Variants in NDUFS7 observed in about 807,000 individuals in gnomAD.
The protein encoded by NDUFS7 is NADH:ubiquinone oxidoreductase core subunit S7, also known as NADH dehydrogenase [ubiquinone] iron-sulfur protein 7, mitochondrial.
NDUFS7 carries 11 observed loss-of-function variants against 31.1 expected under a neutral mutation model. The ratio of observed to expected loss-of-function variants is 0.35; its 90% CI spans 0.22 to 0.59. The LOEUF (loss-of-function observed/expected upper bound fraction) is 0.59. NDUFS7 is among the 20% of genes least tolerant of loss of function. NDUFS7 has a pLI of 0.79. For synonymous variants in NDUFS7, 136 were observed against 127.9 expected (o/e 1.06, Z -0.43); for missense variants, 263 against 324.2 (o/e 0.81, Z 1.45).
Position 1,393,911 on chromosome 19 carries a change from A to C in NDUFS7, c.544+581A>C. 1 of 236,386 alleles carries C rather than the reference A, an allele frequency of 4.2e-6. No individual in the cohort carries two copies. The allele number at this position is 236,386 out of a possible 1,614,324, so 14.6% of individuals were successfully genotyped here. A position where few individuals can be genotyped will look rare whatever the true frequency, so the allele number is the denominator to read the frequency against. ...ACCTGAAATTCACATCGCACCGGGAACATTCTTTATATCTGGTGATCCCGT... is the reference window on the plus strand; with the variant it reads ...ACCTGAAATTCACATCGCACCGGGACCATTCTTTATATCTGGTGATCCCGT... On this transcript the variant is annotated intron_variant, in intron 7 of 7. Coordinates refer to ENST00000233627, the MANE Select transcript of NDUFS7 (RefSeq NM_024407.5). The surrounding 1 kb of genome is among the most constrained non-coding windows in gnomAD (Gnocchi z 7.3).
chr19:1,389,225 G>T (rs763146655), intron 4 of NDUFS7: 26 of 670,918 alleles, frequency 3.9e-5, no homozygotes, highest in Non-Finnish European at 1.4e-5. Context: ...ATACACACAT[G>T]CACACTTGCA....
intron 7 of NDUFS7, chr19:1,394,902 C>T: frequency 9.0e-7 from 1 of 1,116,572 alleles, no homozygotes; most frequent in Non-Finnish European, 1.1e-6. Context: ...TGGGGGATCC[C>T]CAGCAAAGAG....
intron 3 of NDUFS7, 58 bp from the exon 4 acceptor site, chr19:1,388,775 G>A (rs1056050076): frequency 1.1e-5 from 17 of 1,528,468 alleles, no homozygotes; most frequent in East Asian, 4.8e-5. Context: ...GCTCGCATCC[G>A]CCTCTGGGAA....
rs746813022 is a variant in NDUFS7, at chr19:1,391,061, T to TCCCAGCCG, written c.408+23_408+30dup. The TCCCAGCCG allele has an allele frequency of 7.0e-5, 113 of 1,612,558 alleles. No homozygotes were observed. Among genetic ancestry groups the TCCCAGCCG allele is most frequent in the African/African-American group, 2.7e-4 (20 of 74,824 alleles). On this transcript the variant is annotated intron_variant, in intron 5 of 7. Coordinates refer to ENST00000233627, the MANE Select transcript of NDUFS7 (RefSeq NM_024407.5). The stretch of plus-strand genomic sequence containing the variant: ...CCAGCGCTTCGCAAGGTAGGCCTCG[T>TCCCAGCCG]CCCAGCCGCCCAGCCGCCCCCAGAG...
rs773522313 is a variant in NDUFS7 at position 1,391,290 on chromosome 19, C to T, written c.455+125C>T. ...GAAATCCCACGTGGTCCCGGCGCTGCCCTTCAGCCGTCTCGGTGCCTCCAC... is the reference window on the plus strand; with the variant it reads ...GAAATCCCACGTGGTCCCGGCGCTGTCCTTCAGCCGTCTCGGTGCCTCCAC... On this transcript the variant is annotated intron_variant, in intron 6 of 7. Transcript: ENST00000233627. 4.1e-5 allele frequency: 52 copies of T among 1,255,606 alleles called. 1 individual carries two copies. The highest frequency in any genetic ancestry group is 5.9e-5 in the Non-Finnish European group (52 of 885,670). The allele number at this position is 1,255,606 out of a possible 1,614,324, so 77.8% of individuals were successfully genotyped here.
At chr19:1,390,682 G>A in intron 4 of NDUFS7, 189 bp from the exon 5 acceptor site, 2 of 620,184 alleles carry the variant, frequency 3.2e-6, no homozygotes, top group Non-Finnish European at 5.7e-6. Flanking sequence ...GTATTTGAAT[G>A]TGGCTGGTGG....
In NDUFS7 at chr19:1,388,375, C is replaced by T. The variant is rs2082523780; in HGVS notation, c.54-150C>T. On this transcript the variant is annotated intron_variant, in intron 2 of 7. Coordinates refer to ENST00000233627, the MANE Select transcript of NDUFS7 (RefSeq NM_024407.5). ...GGTCGGGGCGATGGCCGCATGGCTCCAGCGGCTCTGGCCAGTGGCCCAAGT... is the reference window on the plus strand; with the variant it reads ...GGTCGGGGCGATGGCCGCATGGCTCTAGCGGCTCTGGCCAGTGGCCCAAGT... The T allele has an allele frequency of 1.5e-5, 11 of 737,172 alleles. No homozygotes were observed. In the East Asian group the frequency reaches 3.0e-4, roughly 20 times the overall value. The allele number at this position is 737,172 out of a possible 1,614,324, so 45.7% of individuals were successfully genotyped here. A position where few individuals can be genotyped will look rare whatever the true frequency, so the allele number is the denominator to read the frequency against.
Position 1,394,968 on chromosome 19 carries a change from C to G in NDUFS7, c.545-423C>G, listed in dbSNP as rs1031232119. On this transcript the variant is annotated intron_variant, in intron 7 of 7. Transcript: ENST00000233627. ...CGGGTCCTCGTGGGATGCCCGGGCT[C>G]TGGGCCACCTCCCCTCCCTCCGCCC... The G allele has an allele frequency of 2.7e-6, 3 of 1,119,160 alleles. No individual in the cohort carries two copies. In the Admixed American group the frequency reaches 1.4e-4, roughly 53 times the overall value. The allele number at this position is 1,119,160 out of a possible 1,614,324, so 69.3% of individuals were successfully genotyped here. A position where few individuals can be genotyped will look rare whatever the true frequency, so the allele number is the denominator to read the frequency against.
intron 2 of NDUFS7, 94 bp downstream of exon 2, chr19:1,387,941 T>C: frequency 1.4e-6 from 1 of 708,434 alleles, no homozygotes; most frequent in East Asian, 3.8e-5. Context: ...GGGAGCGCCT[T>C]GTTGAAGGTC....
Position 1,388,971 on chromosome 19 carries a change from C to G in NDUFS7, c.228+33C>G, listed in dbSNP as rs368271480. 62 of 1,541,674 alleles carry G rather than the reference C, an allele frequency of 4.0e-5. No homozygotes were observed. In the South Asian group the frequency reaches 4.4e-4, roughly 11 times the overall value. On this transcript the variant is annotated intron_variant, in intron 4 of 7. Transcript: ENST00000233627. ...CTATGAGCTGTAGGCCCTCCTCGAG[C>G]GCCAGGGCCTCTCTGCACACTCACA...
At position 1,395,502 on chromosome 19, in the gene NDUFS7, G is replaced by A. The variant is rs1355961144; in HGVS notation, c.*14G>A. 3.2e-6 allele frequency: 5 copies of A among 1,562,670 alleles called. No homozygotes were observed. Among genetic ancestry groups the A allele is most frequent in the Admixed American group, 1.9e-5 (1 of 51,694 alleles). On this transcript the variant is annotated 3_prime_UTR_variant, in exon 8 of 8. Coordinates refer to ENST00000233627, the MANE Select transcript of NDUFS7 (RefSeq NM_024407.5). ...TACCGCAGGTAGCGCCGCCGCCGCC[G>A]CCGCCGGAGCCTGTCGCCGTCCTGT...
At chr19:1,394,109 G>A (rs547384846) in intron 7 of NDUFS7, 102 of 338,710 alleles carry the variant, frequency 3.0e-4, no homozygotes, top group African/African-American at 2.1e-3. Flanking sequence ...AGAGAGCCCA[G>A]CCCTGAGTCC....
intron 4 of NDUFS7, chr19:1,389,224 T>C (rs773481033): frequency 3.0e-4 from 203 of 669,978 alleles, no homozygotes; most frequent in Middle Eastern, 2.2e-3. Context: ...CATACACACA[T>C]GCACACTTGC....
Position 1,393,216 on chromosome 19 carries a change from C to G in NDUFS7, c.456-26C>G. ...GGTGGGCAGGCGGGTCTTCGGCACA[C>G]TCCCCTCACGGTGCCTCCCCAACAG... On this transcript the variant is annotated intron_variant, in intron 6 of 7. Coordinates refer to ENST00000233627, the MANE Select transcript of NDUFS7 (RefSeq NM_024407.5). This position sits in a 1 kb window ranked among gnomAD's most constrained non-coding sequence, Gnocchi z 7.3. 3 of 1,543,472 alleles carry G rather than the reference C, an allele frequency of 1.9e-6. No individual in the cohort carries two copies. Among genetic ancestry groups the G allele is most frequent in the Non-Finnish European group, 2.6e-6 (3 of 1,143,012 alleles).
At chr19:1,388,215 T>G in intron 2 of NDUFS7, 1 of 586,538 alleles carries the variant, frequency 1.7e-6, no homozygotes, top group Non-Finnish European at 3.1e-6. Flanking sequence ...CCAGGGATCT[T>G]ACCTTGGTCA....
intron 7 of NDUFS7, chr19:1,394,373 A>G: frequency 7.8e-7 from 1 of 1,289,178 alleles, no homozygotes. Flanking sequence ...GTGCAGACCA[A>G]TGGGGCAAGT....
At chr19:1,384,154 C>T in intron 1 of NDUFS7, 1 of 570,626 alleles carries the variant, frequency 1.8e-6, no homozygotes, top group South Asian at 2.5e-5. Flanking sequence ...AAACCGAGGC[C>T]CGGTAGGTCA....
Position 1,394,631 on chromosome 19 carries a change from G to A in NDUFS7, c.545-760G>A, listed in dbSNP as rs141066100. 973 of 1,220,650 alleles carry A rather than the reference G, an allele frequency of 8.0e-4. 3 individuals carry two copies. The highest frequency in any genetic ancestry group is 9.2e-4 in the Non-Finnish European group (880 of 960,294). The allele number at this position is 1,220,650 out of a possible 1,614,324, so 75.6% of individuals were successfully genotyped here. ...GCGCCCCTCCCTCCCAGCGGACCGC[G>A]CTCCTCCCTCCCTGGGGACCTCGCT... On this transcript the variant is annotated intron_variant, in intron 7 of 7. Coordinates refer to ENST00000233627, the MANE Select transcript of NDUFS7 (RefSeq NM_024407.5).
chr19:1,386,323 G>C (rs2082507077), intron 1 of NDUFS7, among the ~76,000 whole-genome samples: 1 of 152,204 alleles, frequency 6.6e-6, no homozygotes, highest in African/African-American at 2.4e-5. Flanking sequence ...GGCCAAGATT[G>C]GGGGTCAGCA....
Sources: allele counts gnomAD v4.1 joint callset (sites outside exome capture counted in the v4.1 genomes callset), GRCh38; gene constraint gnomAD v4.1.1; non-coding constraint Gnocchi (gnomAD v3.1); transcripts MANE v1.5; gene names NCBI Gene and HGNC (gene_info 2026-07-23, HGNC 2026-07-21).